The following OSTN variants were observed in gnomAD, a reference collection of about 807,000 sequenced individuals.
The protein encoded by OSTN is osteocrin.
Under a neutral mutation model 12.0 loss-of-function variants are expected in OSTN, and 9 were observed. That is an observed-to-expected ratio of 0.75 (90% confidence interval 0.45 to 1.30). The LOEUF (loss-of-function observed/expected upper bound fraction) is 1.30, where lower values mean the gene tolerates loss of function less well. Among genes scored for constraint, OSTN ranks in the 50% most tolerant of loss-of-function variants. The probability of loss-of-function intolerance (pLI) is 0.00; values close to 1 mark genes in which losing one functional copy is unlikely to be tolerated. For synonymous variants in OSTN, 59 were observed against 56.9 expected, an observed-to-expected ratio of 1.04 and a Z score of -0.16; for missense variants, 148 against 152.3, an observed-to-expected ratio of 0.97 and a Z score of 0.15.
intron 1 of OSTN, among the ~76,000 whole-genome samples, chr3:191,208,589 C>T (rs1714340693): frequency 6.6e-6 from 1 of 152,070 alleles, no homozygotes; most frequent in Non-Finnish European, 1.5e-5. Flanking sequence ...ATGATTTTTT[C>T]CTATATACAC....
chr3:191,252,209 G>A (rs1005999691), intron 4 of OSTN, among the ~76,000 whole-genome samples: 29 of 152,244 alleles, frequency 1.9e-4, no homozygotes, highest in African/African-American at 4.6e-4. Context: ...ACAGGCGTGC[G>A]CCACCACGCC....
chr3:191,211,395 A>G (rs1005431777), intron 1 of OSTN, among the ~76,000 whole-genome samples: 2 of 152,098 alleles, frequency 1.3e-5, no homozygotes, highest in African/African-American at 2.4e-5. Context: ...TAATAAATCT[A>G]TTTTCTCTTG....
intron 3 of OSTN, among the ~76,000 whole-genome samples, chr3:191,245,836 C>T (rs757962712): frequency 5.9e-5 from 9 of 151,678 alleles, no homozygotes; most frequent in South Asian, 2.1e-4. Context: ...GAGGCCGAGG[C>T]GGGTGGATCG....
chr3:191,259,641 C>A (rs1257077933), intron 4 of OSTN, among the ~76,000 whole-genome samples: 1 of 151,856 alleles, frequency 6.6e-6, no homozygotes, highest in African/African-American at 2.4e-5. Flanking sequence ...AGATGTCAAA[C>A]CAACAGGGCC....
chr3:191,230,333 A>G (rs1715020121), intron 3 of OSTN, among the ~76,000 whole-genome samples: 1 of 151,848 alleles, frequency 6.6e-6, no homozygotes, highest in African/African-American at 2.4e-5. Context: ...TGGTAGGCAG[A>G]GGCGGGCAGA....
rs141605046 is a variant in OSTN, at chr3:191,211,271, CT to C, written c.1-1261del. On this transcript the variant is annotated intron_variant, in intron 1 of 4. Transcript: ENST00000682035. ...CTATACTTTCCGTTTCTCCACAAAA[CT>C]GTTTTTTTGAAATCCATGCATACAG... Among the ~76,000 whole-genome samples the C allele has an allele frequency of 9.0e-3, 1,372 of 152,238 alleles. 10 individuals are homozygous for C. The highest frequency in any genetic ancestry group is 0.012 in the Non-Finnish European group (842 of 68,004).
intron 4 of OSTN, among the ~76,000 whole-genome samples, chr3:191,252,539 T>A (rs180825621): frequency 4.2e-4 from 64 of 152,360 alleles, no homozygotes; most frequent in African/African-American, 1.5e-3. Context: ...TGTTCTTATA[T>A]TAAAATCTCA....
intron 3 of OSTN, among the ~76,000 whole-genome samples, chr3:191,247,405 C>T (rs1342231186): frequency 6.6e-6 from 1 of 152,002 alleles, no homozygotes; most frequent in Non-Finnish European, 1.5e-5. Context: ...AGAAGGGAGG[C>T]AAGGGTGTAG....
intron 1 of OSTN, among the ~76,000 whole-genome samples, chr3:191,201,027 G>A (rs1349536115): frequency 6.6e-6 from 1 of 152,126 alleles, no homozygotes; most frequent in Non-Finnish European, 1.5e-5. Flanking sequence ...TGCTAACTCT[G>A]GGTATCTCTC....
At chr3:191,220,119 T>C (rs1714725788) in intron 3 of OSTN, among the ~76,000 whole-genome samples, 1 of 152,224 alleles carries the variant, frequency 6.6e-6, no homozygotes, top group Admixed American at 6.5e-5. Context: ...TGCCACCATC[T>C]TTCTTAATTC....
At chr3:191,230,562 CAAAAAAAAAAAAA>C (rs35542147) in intron 3 of OSTN, among the ~76,000 whole-genome samples, 2 of 36,448 alleles carry the variant, frequency 5.5e-5, no homozygotes, top group Non-Finnish European at 5.7e-5. Flanking sequence ...GACTCCGTCT[CAAAAAAAAAAAAA>C]AAAAAAAAAA....
chr3:191,224,539 A>G (rs1485009641), intron 3 of OSTN, among the ~76,000 whole-genome samples: 1 of 152,182 alleles, frequency 6.6e-6, no homozygotes, highest in Non-Finnish European at 1.5e-5. Flanking sequence ...ACAATAATAG[A>G]GAATATAACT....
At chr3:191,207,350 T>C (rs916310404) in intron 1 of OSTN, among the ~76,000 whole-genome samples, 1 of 151,576 alleles carries the variant, frequency 6.6e-6, no homozygotes, top group African/African-American at 2.4e-5. Flanking sequence ...AATCATAAAT[T>C]TGCAGGTTGA....
Position 191,206,193 on chromosome 3 carries a change from A to G in OSTN, c.1-6340A>G, listed in dbSNP as rs571861555. ...AAGAGCGAAACTCCATCTCAGAAAAAAAAAAAAAAATCCTAAGTAAACATT... is the reference window on the plus strand; with the variant it reads ...AAGAGCGAAACTCCATCTCAGAAAAGAAAAAAAAAATCCTAAGTAAACATT... On this transcript the variant is annotated intron_variant, in intron 1 of 4. Transcript: ENST00000682035. 1.8e-4 allele frequency among the ~76,000 whole-genome samples: 28 copies of G among 152,238 alleles called. No individual in the cohort carries two copies. The East Asian group carries it at 3.3e-3, about 18-fold the overall frequency.
chr3:191,228,370 A>G (rs1047299466), intron 3 of OSTN, among the ~76,000 whole-genome samples: 1 of 152,194 alleles, frequency 6.6e-6, no homozygotes, highest in East Asian at 1.9e-4. Flanking sequence ...CATTGACAGA[A>G]AAAGTGTTTC....
intron 3 of OSTN, among the ~76,000 whole-genome samples, chr3:191,241,396 G>A (rs571310462): frequency 1.3e-5 from 2 of 151,896 alleles, no homozygotes; most frequent in East Asian, 1.9e-4. Flanking sequence ...ATGTTAGCCA[G>A]GATGGTCTCG....
chr3:191,217,516 C>T (rs1205072226), intron 2 of OSTN, among the ~76,000 whole-genome samples: 2 of 152,024 alleles, frequency 1.3e-5, no homozygotes, highest in African/African-American at 4.8e-5. Flanking sequence ...AATATTCTCA[C>T]GATCTTAGAA....
chr3:191,208,335 C>T (rs187542266), intron 1 of OSTN, among the ~76,000 whole-genome samples: 55 of 152,272 alleles, frequency 3.6e-4, no homozygotes, highest in African/African-American at 1.3e-3. Flanking sequence ...CCTATAATTT[C>T]CTCCATTTCT....
At position 191,218,644 on chromosome 3, in the gene OSTN, C is replaced by T. The variant is rs890416517; in HGVS notation, c.103-103C>T. The T allele has an allele frequency of 1.7e-5, 15 of 898,112 alleles. No homozygotes were observed. The Admixed American group carries it at 2.1e-4, about 12-fold the overall frequency. The allele number at this position is 898,112 out of a possible 1,614,324, so 55.6% of individuals were successfully genotyped here. A position where few individuals can be genotyped will look rare whatever the true frequency, so the allele number is the denominator to read the frequency against. On this transcript the variant is annotated intron_variant, in intron 2 of 4. Coordinates refer to ENST00000682035, the MANE Select transcript of OSTN (RefSeq NM_198184.2). ...GTCTCAAAAAAATTGTAAGATGTTA[C>T]ATGATGAGTATGTCAGCTAACAGTA...
Sources: gnomAD v4.1 joint callset for allele counts (sites outside exome capture counted in the v4.1 genomes callset) on GRCh38, gnomAD v4.1.1 for gene constraint, MANE v1.5 for transcripts, NCBI Gene and HGNC (gene_info 2026-07-23, HGNC 2026-07-21) for gene names.